The following DGCR2 variants were observed in gnomAD, a reference collection of about 807,000 sequenced individuals.
The protein encoded by DGCR2 is integral membrane protein DGCR2/IDD.
DGCR2 carries 24 observed loss-of-function variants against 51.6 expected under a neutral mutation model. The ratio of observed to expected loss-of-function variants is 0.47; its 90% CI spans 0.34 to 0.65. The LOEUF is 0.65. DGCR2 is among the 30% of genes least tolerant of loss of function. The pLI is 0.01. For synonymous variants in DGCR2, 340 were observed against 315.4 expected, an observed-to-expected ratio of 1.08 and a Z score of -0.82; for missense variants, 765 against 772.1, an observed-to-expected ratio of 0.99 and a Z score of 0.11.
chr22:19,041,349 G>A (rs1203653197), intron 8 of DGCR2, 55 bp from the exon 9 acceptor site: 9 of 1,560,686 alleles, frequency 5.8e-6, no homozygotes, highest in Non-Finnish European at 7.0e-6. Flanking sequence ...GGGGCAGGCT[G>A]CCTGGCTCCT....
intron 7 of DGCR2, among the ~76,000 whole-genome samples, chr22:19,044,768 A>G (rs1050265863): frequency 6.6e-6 from 1 of 152,228 alleles, no homozygotes. Context: ...CTGTCATCCT[A>G]TATCTTCTTT....
At chr22:19,112,082 G>A (rs1458199408) in intron 1 of DGCR2, among the ~76,000 whole-genome samples, 1 of 151,928 alleles carries the variant, frequency 6.6e-6, no homozygotes, top group South Asian at 2.1e-4. Flanking sequence ...AGACCAGCCT[G>A]GCCATCATGG....
At chr22:19,106,618 T>C (rs1171383225) in intron 1 of DGCR2, among the ~76,000 whole-genome samples, 1 of 152,044 alleles carries the variant, frequency 6.6e-6, no homozygotes, top group East Asian at 1.9e-4. Flanking sequence ...ATGATGAGAT[T>C]GGAAGTTTCA....
intron 5 of DGCR2, among the ~76,000 whole-genome samples, chr22:19,058,988 G>A (rs1389046128): frequency 6.6e-6 from 1 of 152,258 alleles, no homozygotes; most frequent in Non-Finnish European, 1.5e-5. Context: ...TGCGGGCACT[G>A]CATGCCTACC....
Position 19,100,661 on chromosome 22 carries a change from G to A in DGCR2, c.80-11171C>T, listed in dbSNP as rs1312847401. 1.5e-3 allele frequency among the ~76,000 whole-genome samples: 119 copies of A among 80,666 alleles called. 2 individuals carry two copies. In the South Asian group the frequency reaches 0.064, roughly 43 times the overall value. The allele number at this position is 80,666 out of a possible 152,430, so 52.9% of individuals were successfully genotyped here. A position where few individuals can be genotyped will look rare whatever the true frequency, so the allele number is the denominator to read the frequency against. On this transcript the variant is annotated intron_variant, in intron 1 of 9. Transcript: ENST00000263196. ...AGCCTGGGCGACAGAGCGAGACTCC[G>A]TTTAAAAAAAAAAAAAAACCTGCCA...
At chr22:19,066,848 T>C (rs1442972978) in intron 3 of DGCR2, among the ~76,000 whole-genome samples, 2 of 152,140 alleles carry the variant, frequency 1.3e-5, no homozygotes, top group Non-Finnish European at 2.9e-5. Flanking sequence ...AGGAAGAACA[T>C]GGAGCTGAGC....
intron 9 of DGCR2, 148 bp downstream of exon 9, chr22:19,040,910 C>T (rs2082423194): frequency 1.4e-6 from 1 of 728,302 alleles, no homozygotes; most frequent in Admixed American, 3.0e-5. Context: ...CACGGGCAGC[C>T]CCAGGAGAAG....
intron 5 of DGCR2, among the ~76,000 whole-genome samples, chr22:19,062,309 C>A (rs1569051666): frequency 6.6e-6 from 1 of 152,308 alleles, no homozygotes; most frequent in Non-Finnish European, 1.5e-5. Context: ...TCTGCAGCCC[C>A]CACCTCTGCT....
intron 1 of DGCR2, among the ~76,000 whole-genome samples, chr22:19,113,384 A>T (rs1053272915): frequency 3.1e-5 from 2 of 65,276 alleles, no homozygotes; most frequent in Admixed American, 1.5e-4. Context: ...AATAAAAATA[A>T]AAAAAAAAAA....
At chr22:19,108,569 T>TAAAAAAAAAAAAAAAAAAAAAAAAAA (rs55803042) in intron 1 of DGCR2, among the ~76,000 whole-genome samples, 1 of 90,724 alleles carries the variant, frequency 1.1e-5, no homozygotes, top group African/African-American at 3.7e-5. Context: ...AGAATTTATC[T>TAAAAAAAAAAAAAAAAAAAAAAAAAA]AAAAAAAAAA....
At position 19,040,053 on chromosome 22, in the gene DGCR2, A is replaced by G. The variant is rs145395263; in HGVS notation, c.1397-932T>C. Among the ~76,000 whole-genome samples the G allele has an allele frequency of 4.9e-3, 753 of 152,270 alleles. 3 individuals carry two copies. Among genetic ancestry groups the G allele is most frequent in the Non-Finnish European group, 7.4e-3 (502 of 68,006 alleles). ...CCATAGGCTGTCTCTGAAAGCTAAC[A>G]GCACAAGGCCCCGGTGATGCACCTC... On this transcript the variant is annotated intron_variant, in intron 9 of 9. Coordinates refer to ENST00000263196, the MANE Select transcript of DGCR2 (RefSeq NM_005137.3).
intron 1 of DGCR2, among the ~76,000 whole-genome samples, chr22:19,092,319 G>C (rs745377929): frequency 6.6e-6 from 1 of 150,712 alleles, no homozygotes; most frequent in Non-Finnish European, 1.5e-5. Context: ...ACTGCAGCCT[G>C]GGCGACAGAA....
intron 2 of DGCR2, among the ~76,000 whole-genome samples, chr22:19,086,243 C>T (rs2083013522): frequency 2.0e-5 from 3 of 151,806 alleles, no homozygotes; most frequent in South Asian, 4.2e-4. Flanking sequence ...TTTGGGAGGC[C>T]GAGGAGAGCG....
chr22:19,041,672 G>T, intron 8 of DGCR2, 135 bp downstream of exon 8: 1 of 1,054,848 alleles, frequency 9.5e-7, no homozygotes, highest in Non-Finnish European at 1.4e-6. Flanking sequence ...CACAGGTGAG[G>T]ACACAGACCC....
At chr22:19,105,907 C>T (rs1404544170) in intron 1 of DGCR2, among the ~76,000 whole-genome samples, 1 of 152,128 alleles carries the variant, frequency 6.6e-6, no homozygotes, top group Non-Finnish European at 1.5e-5. Flanking sequence ...AGCCCCACAT[C>T]CAGGTTCTTG....
At chr22:19,059,634 G>A (rs562683817) in intron 5 of DGCR2, among the ~76,000 whole-genome samples, 1 of 152,136 alleles carries the variant, frequency 6.6e-6, no homozygotes, top group East Asian at 1.9e-4. Context: ...AGCAGATCCA[G>A]TCCTCACCTC....
rs376309095 is a variant in DGCR2, at chr22:19,038,985, G to A, written c.1533C>T (p.Ala511=). Residue 511 remains alanine, a synonymous_variant, in exon 10 of 10, where the codon GCC becomes GCT. Coordinates refer to ENST00000263196, the MANE Select transcript of DGCR2 (RefSeq NM_005137.3). ...GCACGAGCAGGGCGCTGCTGCTGTC[G>A]GCAGAGTCTTCCAGGTCTGCCAGAG... The part of the protein sequence containing the change: ...GASLADLEDS[A]DSSSALLVPP... The A allele has an allele frequency of 6.3e-5, 101 of 1,611,738 alleles. No individual in the cohort carries two copies. Among genetic ancestry groups the A allele is most frequent in the South Asian group, 7.7e-5 (7 of 90,938 alleles).
chr22:19,084,474 C>T (rs1347072431), intron 2 of DGCR2, among the ~76,000 whole-genome samples: 2 of 149,488 alleles, frequency 1.3e-5, no homozygotes, highest in Non-Finnish European at 3.0e-5. Flanking sequence ...TGAGGGGCCC[C>T]TTTGCCCGGG....
intron 1 of DGCR2, among the ~76,000 whole-genome samples, chr22:19,115,646 G>C (rs558356928): frequency 6.6e-6 from 1 of 152,246 alleles, no homozygotes; most frequent in Non-Finnish European, 1.5e-5. Context: ...TGCCCAGTCT[G>C]TGCCTGACCA....
Sources: allele counts gnomAD v4.1 joint callset (sites outside exome capture counted in the v4.1 genomes callset), GRCh38; gene constraint gnomAD v4.1.1; transcripts MANE v1.5; gene names NCBI Gene and HGNC (gene_info 2026-07-23, HGNC 2026-07-21).